Variants in TP53BP1 observed in about 807,000 individuals in gnomAD.
TP53BP1 encodes tumor protein p53 binding protein 1.
In TP53BP1, 61 loss-of-function variants were observed where a neutral mutation model predicts 200.8. That is an observed-to-expected ratio of 0.30 (90% CI 0.25 to 0.38). The LOEUF (loss-of-function observed/expected upper bound fraction) is 0.38. Among genes scored for constraint, TP53BP1 ranks in the 10% least tolerant of loss-of-function variants. The pLI is 1.00. For missense variants in TP53BP1, 2,144 were observed against 2,371.9 expected (o/e 0.90, Z 2.00); for synonymous variants, 822 against 844.3 (o/e 0.97, Z 0.46).
At chr15:43,457,580 G>A (rs770717540) in intron 11 of TP53BP1, among the ~76,000 whole-genome samples, 1 of 142,348 alleles carries the variant, frequency 7.0e-6, no homozygotes, top group Non-Finnish European at 1.5e-5. Context: ...GCTGAGGCAG[G>A]AGAATCACTT....
intron 18 of TP53BP1, among the ~76,000 whole-genome samples, chr15:43,426,009 G>T (rs1188075941): frequency 6.7e-6 from 1 of 148,438 alleles, no homozygotes; most frequent in Admixed American, 6.7e-5. Flanking sequence ...AGCTTGCAGT[G>T]AGCCGAGGTA....
At chr15:43,488,497 G>A (rs1162204027) in intron 4 of TP53BP1, among the ~76,000 whole-genome samples, 2 of 152,114 alleles carry the variant, frequency 1.3e-5, no homozygotes, top group Admixed American at 1.3e-4. Context: ...TGACTGTTGT[G>A]GTGAAGACAC....
upstream of TP53BP1, among the ~76,000 whole-genome samples, chr15:43,494,484 C>T (rs1030526945): frequency 6.6e-6 from 1 of 152,162 alleles, no homozygotes; most frequent in Non-Finnish European, 1.5e-5. Context: ...TCTATTACTG[C>T]TATAACTGGA....
chr15:43,483,475 G>C (rs1237358565), intron 4 of TP53BP1, among the ~76,000 whole-genome samples: 2 of 152,090 alleles, frequency 1.3e-5, no homozygotes, highest in Non-Finnish European at 2.9e-5. Context: ...ATGCCAAAAT[G>C]TTTACAGCAA....
At chr15:43,480,871 A>T in intron 5 of TP53BP1, 24 bp downstream of exon 5, 1 of 1,613,696 alleles carries the variant, frequency 6.2e-7, no homozygotes, top group South Asian at 1.1e-5. Flanking sequence ...ACAGTCTATT[A>T]TTCTGAAAAA....
intron 15 of TP53BP1, among the ~76,000 whole-genome samples, chr15:43,440,580 G>A (rs780827891): frequency 7.9e-5 from 12 of 151,226 alleles, no homozygotes; most frequent in East Asian, 1.9e-4. Context: ...AACAGTACCC[G>A]CCTAGCCTCT....
intron 11 of TP53BP1, among the ~76,000 whole-genome samples, chr15:43,457,850 C>T (rs2143010924): frequency 6.6e-6 from 1 of 151,830 alleles, no homozygotes; most frequent in Non-Finnish European, 1.5e-5. Context: ...GAAACCCTGT[C>T]TCTACCAAAA....
intron 18 of TP53BP1, among the ~76,000 whole-genome samples, chr15:43,427,379 A>T (rs1470857638): frequency 6.6e-6 from 1 of 152,258 alleles, no homozygotes; most frequent in Admixed American, 6.5e-5. Flanking sequence ...GGAGTGTTCT[A>T]AACTCCATTT....
chr15:43,491,879 C>G (rs947819406), intron 3 of TP53BP1, 123 bp downstream of exon 3: 2 of 1,061,454 alleles, frequency 1.9e-6, no homozygotes, highest in Non-Finnish European at 2.9e-6. Context: ...GTGACTACTA[C>G]GCAGATACCA....
chr15:43,416,028 T>C (rs2045259207), intron 22 of TP53BP1, among the ~76,000 whole-genome samples, 197 bp downstream of exon 22: 1 of 152,158 alleles, frequency 6.6e-6, no homozygotes, highest in Non-Finnish European at 1.5e-5. Flanking sequence ...AGAAAAACCC[T>C]AAGGACTTTC....
intron 8 of TP53BP1, among the ~76,000 whole-genome samples, chr15:43,477,252 A>T (rs894943465): frequency 3.3e-5 from 5 of 150,256 alleles, no homozygotes; most frequent in Non-Finnish European, 7.4e-5. Context: ...GTGAGCCGAG[A>T]TTGCGCCACT....
At chr15:43,506,478 C>A (rs553821389) in intron 1 of TP53BP1, among the ~76,000 whole-genome samples, 1 of 152,302 alleles carries the variant, frequency 6.6e-6, no homozygotes, top group East Asian at 1.9e-4. Context: ...AGTGCATAAC[C>A]AAGGAAACAG....
intron 12 of TP53BP1, among the ~76,000 whole-genome samples, chr15:43,453,608 C>T (rs1454064831): frequency 6.7e-6 from 1 of 150,194 alleles, no homozygotes; most frequent in Non-Finnish European, 1.5e-5. Flanking sequence ...GGCGGAGTCT[C>T]ATTCTGTCAC....
At chr15:43,473,772 C>G (rs1159957951) in intron 10 of TP53BP1, among the ~76,000 whole-genome samples, 1 of 152,222 alleles carries the variant, frequency 6.6e-6, no homozygotes, top group Non-Finnish European at 1.5e-5. Context: ...TAAAGGTTCT[C>G]CACGTCCTCA....
chr15:43,409,224 T>C, intron 25 of TP53BP1, 128 bp from the exon 26 acceptor site: 1 of 809,702 alleles, frequency 1.2e-6, no homozygotes, highest in Non-Finnish European at 2.0e-6. Context: ...TGATTTAGTC[T>C]ATCCTGCCCA....
intron 25 of TP53BP1, chr15:43,409,330 A>G (rs1418004051): frequency 6.8e-6 from 4 of 586,828 alleles, no homozygotes; most frequent in Non-Finnish European, 1.2e-5. Flanking sequence ...TCAACGGACA[A>G]CCAAAACCTA....
In TP53BP1 at chr15:43,404,598, T is replaced by A. The variant is rs1189491935; in HGVS notation, c.*2785A>T. The stretch of plus-strand genomic sequence containing the variant: ...ACTCAGTAGACTTTTTAAGGTGGCT[T>A]TTTAATGAGTTGTAGAATTCTAGAA... On this transcript the variant is annotated 3_prime_UTR_variant, in exon 28 of 28. Coordinates refer to ENST00000382044, the MANE Select transcript of TP53BP1 (RefSeq NM_001141980.3). The A allele has an allele frequency of 4.4e-6, 7 of 1,597,930 alleles. No homozygotes were observed. The highest frequency in any genetic ancestry group is 6.0e-6 in the Non-Finnish European group (7 of 1,171,050).
Position 43,456,589 on chromosome 15 carries a change from A to G in TP53BP1, c.2019T>C (p.Pro673=). The G allele has an allele frequency of 3.1e-6, 5 of 1,614,074 alleles. No homozygotes were observed. Among genetic ancestry groups the G allele is most frequent in the Non-Finnish European group, 4.2e-6 (5 of 1,180,000 alleles). ...CTCCTTGACTTTCACAAGGTGTCTC[A>G]GGGATTTCTTCCACCTCAGACCCTG... The part of the protein sequence containing the change: ...GSSGSEVEEI[P]ETPCESQGEE... The change falls in exon 12 of 28, where the codon CCT becomes CCC. Residue 673 remains proline (P), a synonymous_variant. Transcript: ENST00000382044.
intron 1 of TP53BP1, among the ~76,000 whole-genome samples, chr15:43,505,735 G>A (rs2079232447): frequency 6.6e-6 from 1 of 152,150 alleles, no homozygotes; most frequent in South Asian, 2.1e-4. Flanking sequence ...AACCTTTTTA[G>A]ATATTATTTT....
Sources: allele counts gnomAD v4.1 joint callset (sites outside exome capture counted in the v4.1 genomes callset), GRCh38; gene constraint gnomAD v4.1.1; transcripts MANE v1.5; gene names NCBI Gene and HGNC (gene_info 2026-07-23, HGNC 2026-07-21).